Variants in VSTM4 observed in about 807,000 individuals in gnomAD.
VSTM4 encodes the protein V-set and transmembrane domain-containing protein 4.
Under a neutral mutation model 36.4 loss-of-function variants are expected in VSTM4, and 20 were observed. That is an observed-to-expected ratio of 0.55 (90% CI 0.39 to 0.80). The LOEUF (loss-of-function observed/expected upper bound fraction) is 0.80. Among genes scored for constraint, VSTM4 ranks in the 30% least tolerant of loss-of-function variants. VSTM4 has a pLI of 0.00. For synonymous variants in VSTM4, 182 were observed against 173.9 expected, an observed-to-expected ratio of 1.05 and a Z score of -0.37; for missense variants, 392 against 404.5, an observed-to-expected ratio of 0.97 and a Z score of 0.26.
At chr10:49,044,042 G>A (rs1465763855) in intron 7 of VSTM4, among the ~76,000 whole-genome samples, 1 of 152,150 alleles carries the variant, frequency 6.6e-6, no homozygotes, top group African/African-American at 2.4e-5. Context: ...ACCTTTGTCA[G>A]GTCAGCCAGG....
intron 2 of VSTM4, among the ~76,000 whole-genome samples, chr10:49,095,748 CTCTT>C (rs761591717): frequency 6.6e-6 from 1 of 152,186 alleles, no homozygotes; most frequent in Non-Finnish European, 1.5e-5. Context: ...CCCTTTCACA[CTCTT>C]TCTGTTTGCT....
intron 7 of VSTM4, among the ~76,000 whole-genome samples, chr10:49,033,356 C>G (rs1262358330): frequency 6.6e-6 from 1 of 152,170 alleles, no homozygotes; most frequent in Non-Finnish European, 1.5e-5. Flanking sequence ...TTGTCAGAAT[C>G]TGTAGCCATG....
intron 4 of VSTM4, among the ~76,000 whole-genome samples, chr10:49,065,032 T>C (rs1843948180): frequency 6.6e-6 from 1 of 152,198 alleles, no homozygotes; most frequent in Admixed American, 6.5e-5. Context: ...CCTGGAGTAA[T>C]AGAGTCACTC....
In VSTM4 at chr10:49,044,137, G is replaced by A. The variant is rs143272914; in HGVS notation, c.837+2846C>T. ...GAGGCCATGAGCTCGAAACCAACCT[G>A]GACAGCATGGTGAAACCCCAACTCT... On this transcript the variant is annotated intron_variant, in intron 7 of 7. Coordinates refer to ENST00000332853, the MANE Select transcript of VSTM4 (RefSeq NM_001031746.5). Among the ~76,000 whole-genome samples the A allele has an allele frequency of 2.1e-3, 327 of 152,208 alleles. 1 individual carries two copies. The highest frequency in any genetic ancestry group is 7.5e-3 in the African/African-American group (313 of 41,522).
intron 4 of VSTM4, among the ~76,000 whole-genome samples, chr10:49,066,625 G>T (rs1222025932): frequency 1.3e-5 from 2 of 151,900 alleles, no homozygotes; most frequent in Non-Finnish European, 2.9e-5. Context: ...TCATACCAGG[G>T]TATATGAAGT....
chr10:49,065,334 C>T (rs1444662016), intron 4 of VSTM4, among the ~76,000 whole-genome samples: 1 of 152,184 alleles, frequency 6.6e-6, no homozygotes, highest in Non-Finnish European at 1.5e-5. Flanking sequence ...AAAGCTGAAA[C>T]AACCAGGGGG....
intron 7 of VSTM4, 123 bp from the exon 8 acceptor site, chr10:49,019,898 A>G: frequency 8.2e-7 from 1 of 1,226,896 alleles, no homozygotes; most frequent in Non-Finnish European, 1.1e-6. Flanking sequence ...ATAAGTGGAC[A>G]AGAAATTTAA....
chr10:49,078,422 A>T (rs1844217932), intron 3 of VSTM4, among the ~76,000 whole-genome samples: 1 of 152,220 alleles, frequency 6.6e-6, no homozygotes, highest in African/African-American at 2.4e-5. Flanking sequence ...ATAGTTAAAC[A>T]AAGTGTGGTA....
In VSTM4 at chr10:49,048,593, GAA is replaced by G; in HGVS notation, c.669-11_669-10del. On this transcript the variant is annotated splice_polypyrimidine_tract_variant and intron_variant, in intron 5 of 7. Transcript: ENST00000332853. Reference sequence around the variant, plus strand: ...TGACAGTCTCCCCTGAGCTGTAGAAGAAAAAGTTTCCAGTGAAACCAAAGGCA... The same window carrying G: ...TGACAGTCTCCCCTGAGCTGTAGAAGAAAGTTTCCAGTGAAACCAAAGGCA... 1.3e-6 allele frequency: 2 copies of G among 1,555,546 alleles called. No individual in the cohort carries two copies. Among genetic ancestry groups the G allele is most frequent in the Non-Finnish European group, 1.7e-6 (2 of 1,160,010 alleles).
At chr10:49,082,744 A>G (rs915003918) in intron 3 of VSTM4, among the ~76,000 whole-genome samples, 6 of 152,258 alleles carry the variant, frequency 3.9e-5, no homozygotes, top group African/African-American at 1.4e-4. Context: ...ATCATGTTAC[A>G]TTCCCTTTCT....
At chr10:49,102,701 C>T (rs760198245) in intron 2 of VSTM4, 10 of 985,274 alleles carry the variant, frequency 1.0e-5, no homozygotes, top group Non-Finnish European at 1.2e-5. Context: ...ACTACATCCA[C>T]CAAGTCACGC....
chr10:49,060,021 C>G (rs1297930234), intron 5 of VSTM4, among the ~76,000 whole-genome samples: 1 of 152,212 alleles, frequency 6.6e-6, no homozygotes, highest in Non-Finnish European at 1.5e-5. Flanking sequence ...CTCATCCATG[C>G]TTTGGTCCAT....
intron 1 of VSTM4, among the ~76,000 whole-genome samples, chr10:49,114,762 G>A (rs575367334): frequency 6.7e-6 from 1 of 150,306 alleles, no homozygotes; most frequent in South Asian, 2.4e-4. Context: ...GCCAGACAGA[G>A]TTCTGGGGAA....
intron 7 of VSTM4, among the ~76,000 whole-genome samples, chr10:49,035,571 C>T (rs962796999): frequency 6.6e-6 from 1 of 151,120 alleles, no homozygotes; most frequent in Non-Finnish European, 1.5e-5. Flanking sequence ...CAGTGGCTCA[C>T]ACCTGTAATC....
rs183565113 is a variant in VSTM4 at position 49,055,285 on chromosome 10, G to A, written c.669-6701C>T. 2.6e-3 allele frequency among the ~76,000 whole-genome samples: 402 copies of A among 152,302 alleles called. 2 individuals are homozygous for A. The highest frequency in any genetic ancestry group is 7.0e-3 in the South Asian group (34 of 4,828). On this transcript the variant is annotated intron_variant, in intron 5 of 7. Transcript: ENST00000332853. The stretch of plus-strand genomic sequence containing the variant: ...TTATTTTACTTCCAGAAACGTCCAT[G>A]TATTTCCTGTCTTCCTGCCTATCTT...
intron 5 of VSTM4, 53 bp downstream of exon 5, chr10:49,064,650 G>A (rs901190904): frequency 2.9e-5 from 45 of 1,572,248 alleles, no homozygotes; most frequent in Non-Finnish European, 3.6e-5. Flanking sequence ...AATATCAAAA[G>A]AAAGTTAAAT....
At chr10:49,063,343 G>GA (rs1380433317) in intron 5 of VSTM4, among the ~76,000 whole-genome samples, 1 of 152,014 alleles carries the variant, frequency 6.6e-6, no homozygotes, top group Non-Finnish European at 1.5e-5. Flanking sequence ...CTCATAGAAA[G>GA]AAAAAAACTG....
intron 5 of VSTM4, among the ~76,000 whole-genome samples, chr10:49,058,664 C>G (rs1022982734): frequency 6.6e-6 from 1 of 152,190 alleles, no homozygotes; most frequent in Non-Finnish European, 1.5e-5. Context: ...TATTTTCCTT[C>G]CGTTTGAACT....
intron 1 of VSTM4, among the ~76,000 whole-genome samples, chr10:49,112,864 G>A (rs566577058): frequency 2.6e-5 from 4 of 152,204 alleles, no homozygotes; most frequent in Non-Finnish European, 5.9e-5. Flanking sequence ...GCTTATATTT[G>A]AATAATGTCA....
Sources: allele counts gnomAD v4.1 joint callset (sites outside exome capture counted in the v4.1 genomes callset), GRCh38; gene constraint gnomAD v4.1.1; transcripts MANE v1.5; gene names NCBI Gene and HGNC (gene_info 2026-07-23, HGNC 2026-07-21).